FAM53A: variants seen among roughly 807,000 people sequenced by gnomAD.
FAM53A encodes family with sequence similarity 53 member A, also known as protein FAM53A.
In FAM53A, 28 loss-of-function variants were observed where a neutral mutation model predicts 26.6. That is an observed-to-expected ratio of 1.05 (90% CI 0.78 to 1.45). The LOEUF is 1.45. Ranked by LOEUF, FAM53A falls within the 40% of genes most tolerant of loss-of-function variation. The probability of loss-of-function intolerance (pLI) is 0.00; values close to 1 mark genes in which losing one functional copy is unlikely to be tolerated. For missense variants in FAM53A, 650 were observed against 575.8 expected, an observed-to-expected ratio of 1.13 and a Z score of -1.32; for synonymous variants, 290 against 253.1, an observed-to-expected ratio of 1.15 and a Z score of -1.38.
At chr4:1,631,996 C>G (rs1715629035) in intron 1 of FAM53A, among the ~76,000 whole-genome samples, 1 of 151,998 alleles carries the variant, frequency 6.6e-6, no homozygotes, top group Non-Finnish European at 1.5e-5. Flanking sequence ...AACCCCGTCT[C>G]TAGTACAAAT....
chr4:1,666,387 T>G (rs1382719651), intron 2 of FAM53A, among the ~76,000 whole-genome samples: 3 of 147,018 alleles, frequency 2.0e-5, no homozygotes, highest in African/African-American at 7.7e-5. Flanking sequence ...GCACCCCCTG[T>G]ATCTAAAATA....
intron 3 of FAM53A, 151 bp downstream of exon 3, chr4:1,657,257 A>G: frequency 1.4e-6 from 1 of 689,954 alleles, no homozygotes. Context: ...GGACGGCAGC[A>G]GGGACCACCC....
chr4:1,601,608 C>A, the FAM53A span, among the ~76,000 whole-genome samples: 2 of 111,662 alleles, frequency 1.8e-5, 1 homozygote, highest in Non-Finnish European at 4.3e-5. Flanking sequence ...ATCTGCCATG[C>A]GCCCCATCTG....
At chr4:1,633,038 GCATAGGTACATGCTCATGCGCACACA>G (rs1225661478) in intron 1 of FAM53A, among the ~76,000 whole-genome samples, 1 of 132,650 alleles carries the variant, frequency 7.5e-6, no homozygotes, top group Non-Finnish European at 1.5e-5. Flanking sequence ...ATGCTCACAC[GCATAGGTACATGCTCATGCGCACACA>G]CATAGGTACA....
In FAM53A at chr4:1,657,397, A is replaced by G. The variant is rs763982029; in HGVS notation, c.136+11T>C. The G allele has an allele frequency of 6.8e-6, 11 of 1,612,306 alleles. No homozygotes were observed. The South Asian group carries it at 7.7e-5, about 11-fold the overall frequency. ...GCTCAGGCCTCCGGCCACAGCTCCTAAAGTGCTCACCGTTGAGCTCCAAAG... is the reference window on the plus strand; with the variant it reads ...GCTCAGGCCTCCGGCCACAGCTCCTGAAGTGCTCACCGTTGAGCTCCAAAG... On this transcript the variant is annotated intron_variant, in intron 3 of 4. Coordinates refer to ENST00000308132, the MANE Select transcript of FAM53A (RefSeq NM_001174070.3).
the FAM53A span, among the ~76,000 whole-genome samples, chr4:1,578,459 T>G: frequency 4.6e-5 from 7 of 151,252 alleles, no homozygotes; most frequent in Non-Finnish European, 7.4e-5. Flanking sequence ...AGCGTTGGCG[T>G]GAGAGCCGGT....
At chr4:1,602,011 A>G in the FAM53A span, among the ~76,000 whole-genome samples, 1 of 82,202 alleles carries the variant, frequency 1.2e-5, no homozygotes, top group African/African-American at 5.4e-5. Flanking sequence ...GGGAGGTAGG[A>G]CGGGGGAGGT....
At chr4:1,634,730 T>C (rs1480164305) in intron 1 of FAM53A, among the ~76,000 whole-genome samples, 2 of 151,618 alleles carry the variant, frequency 1.3e-5, no homozygotes, top group African/African-American at 2.4e-5. Context: ...AAACCCCGTC[T>C]CTACTAAAAA....
chr4:1,591,393 T>G, the FAM53A span, among the ~76,000 whole-genome samples: 1 of 152,090 alleles, frequency 6.6e-6, no homozygotes, highest in African/African-American at 2.4e-5. Context: ...GTGATGCACC[T>G]AAAGAAGCCA....
chr4:1,577,540 C>T, the FAM53A span, among the ~76,000 whole-genome samples: 2 of 152,208 alleles, frequency 1.3e-5, no homozygotes, highest in Non-Finnish European at 1.5e-5. Context: ...TTATGTAAAT[C>T]AAGTCCTAAT....
chr4:1,634,583 A>G (rs1404746210), intron 1 of FAM53A, among the ~76,000 whole-genome samples: 1 of 152,056 alleles, frequency 6.6e-6, no homozygotes, highest in Non-Finnish European at 1.5e-5. Flanking sequence ...TCCCTTATGC[A>G]TTTTGTGGAG....
chr4:1,623,934 G>A lies in FAM53A; in HGVS notation c.432-5823C>T, dbSNP rs569713929. Among the ~76,000 whole-genome samples, 81 of 152,316 alleles carry A rather than the reference G, an allele frequency of 5.3e-4. No individual in the cohort carries two copies. The East Asian group carries it at 0.014, about 27-fold the overall frequency. On this transcript the variant is annotated intron_variant, in intron 1 of 1. Coordinates refer to the FAM53A transcript ENST00000489029. ...CCGGCTGGGCACAGCCCCCAGGCCA[G>A]GAGATGGGGCCAAGCCTCCCCCGGG...
the FAM53A span, among the ~76,000 whole-genome samples, chr4:1,575,128 C>T: frequency 6.6e-6 from 1 of 152,176 alleles, no homozygotes; most frequent in Non-Finnish European, 1.5e-5. Flanking sequence ...CTGCCCATGC[C>T]CTGCTGGGGG....
At chr4:1,683,352 A>G (rs1227978828) in intron 1 of FAM53A, 1 of 152,226 alleles carries the variant, frequency 6.6e-6, no homozygotes, top group East Asian at 1.9e-4. Context: ...AGCAGCATCA[A>G]TATGTTCAGG....
chr4:1,657,699 G>A (rs956307315), intron 2 of FAM53A, among the ~76,000 whole-genome samples: 4 of 152,102 alleles, frequency 2.6e-5, no homozygotes, highest in African/African-American at 4.8e-5. Flanking sequence ...GTGCAGTGGC[G>A]CGATCTCGGC....
At chr4:1,654,259 T>G (rs1335694127) in intron 4 of FAM53A, among the ~76,000 whole-genome samples, 1 of 152,016 alleles carries the variant, frequency 6.6e-6, no homozygotes, top group Non-Finnish European at 1.5e-5. Context: ...CTCTGCCATC[T>G]CCCTCCCCGA....
chr4:1,635,078 C>T (rs1346479939), downstream of FAM53A, among the ~76,000 whole-genome samples: 1 of 152,094 alleles, frequency 6.6e-6, no homozygotes, highest in Non-Finnish European at 1.5e-5. Flanking sequence ...CTAAGTCATT[C>T]ATAATATCCT....
At chr4:1,575,131 G>C in the FAM53A span, among the ~76,000 whole-genome samples, 1 of 152,184 alleles carries the variant, frequency 6.6e-6, no homozygotes, top group African/African-American at 2.4e-5. Flanking sequence ...CCCATGCCCT[G>C]CTGGGGGAAG....
downstream of FAM53A, among the ~76,000 whole-genome samples, chr4:1,615,051 C>T (rs1041568936): frequency 2.7e-4 from 41 of 152,202 alleles, no homozygotes; most frequent in African/African-American, 8.2e-4. Context: ...GATGCGGCCA[C>T]GCCCACCCCA....
Sources: allele counts gnomAD v4.1 joint callset (sites outside exome capture counted in the v4.1 genomes callset), GRCh38; gene constraint gnomAD v4.1.1; transcripts MANE v1.5; gene names NCBI Gene and HGNC (gene_info 2026-07-23, HGNC 2026-07-21).